Variants in CALCR observed in about 807,000 individuals in gnomAD.
CALCR encodes calcitonin receptor.
A neutral mutation model predicts 59.5 loss-of-function variants in CALCR; 47 were observed. That is an observed-to-expected ratio of 0.79 (90% CI 0.63 to 1.01). CALCR has a LOEUF of 1.01. CALCR is among the 50% of genes least tolerant of loss of function. The pLI, the probability that CALCR is intolerant of heterozygous loss-of-function variation, is 0.00. For synonymous variants in CALCR, 213 were observed against 211.3 expected, an observed-to-expected ratio of 1.01 and a Z score of -0.07; for missense variants, 566 against 597.1, an observed-to-expected ratio of 0.95 and a Z score of 0.54.
At chr7:93,567,477 A>C (rs912821518) in intron 2 of CALCR, among the ~76,000 whole-genome samples, 5 of 152,188 alleles carry the variant, frequency 3.3e-5, no homozygotes, top group South Asian at 4.1e-4. Context: ...CAAGTATAAA[A>C]TGTTATAATT....
At chr7:93,547,821 T>G (rs1789331132) in intron 2 of CALCR, among the ~76,000 whole-genome samples, 1 of 152,178 alleles carries the variant, frequency 6.6e-6, no homozygotes, top group Admixed American at 6.5e-5. Flanking sequence ...ATCATGGACT[T>G]TCAGCTGTGC....
chr7:93,493,520 T>G (rs540358059), intron 2 of CALCR, among the ~76,000 whole-genome samples: 99 of 151,480 alleles, frequency 6.5e-4, no homozygotes, highest in Admixed American at 1.4e-3. Context: ...ACCATCTTTC[T>G]CTTCAGTTCC....
At chr7:93,463,786 A>AT (rs1038771663) in intron 7 of CALCR, among the ~76,000 whole-genome samples, 1 of 151,940 alleles carries the variant, frequency 6.6e-6, no homozygotes, top group Non-Finnish European at 1.5e-5. Flanking sequence ...AGCCGACAAC[A>AT]TTTTTTTGTC....
rs552561936 is a variant in CALCR, at chr7:93,567,546, T to A, written c.-27+6743A>T. ...AATTTATCTATGCAAATTTTTTTTA[T>A]AAAAAGTTTTTTTTTTAATTATACT... On this transcript the variant is annotated intron_variant, in intron 2 of 13. Coordinates refer to ENST00000426151, the MANE Select transcript of CALCR (RefSeq NM_001742.4). 4.7e-3 allele frequency among the ~76,000 whole-genome samples: 710 copies of A among 151,484 alleles called. 2 individuals carry two copies. Among genetic ancestry groups the A allele is most frequent in the Non-Finnish European group, 8.1e-3 (547 of 67,916 alleles).
chr7:93,465,911 C>T (rs567246770), intron 7 of CALCR, among the ~76,000 whole-genome samples: 1 of 151,326 alleles, frequency 6.6e-6, no homozygotes, highest in Non-Finnish European at 1.5e-5. Flanking sequence ...TGATCAGTGA[C>T]TTTAAATTTC....
Position 93,528,408 on chromosome 7 carries a change from C to A in CALCR, c.-26-41401G>T, listed in dbSNP as rs991663902. Among the ~76,000 whole-genome samples, 6 of 152,290 alleles carry A rather than the reference C, an allele frequency of 3.9e-5. No individual in the cohort carries two copies. The East Asian group carries it at 7.7e-4, about 20-fold the overall frequency. ...TCGTCATTTACATTAGGTATATCCC[C>A]TAATGCTATCCCTCCCCTCTTCCCC... On this transcript the variant is annotated intron_variant, in intron 2 of 13. Coordinates refer to ENST00000426151, the MANE Select transcript of CALCR (RefSeq NM_001742.4).
chr7:93,463,309 T>A (rs1424684397), intron 7 of CALCR, among the ~76,000 whole-genome samples: 1 of 151,806 alleles, frequency 6.6e-6, no homozygotes, highest in Non-Finnish European at 1.5e-5. Flanking sequence ...TATATAAAAA[T>A]ATATATATTT....
chr7:93,477,124 GCTCACTTTA>G (rs2115876969), intron 5 of CALCR, among the ~76,000 whole-genome samples: 1 of 151,900 alleles, frequency 6.6e-6, no homozygotes, highest in African/African-American at 2.4e-5. Flanking sequence ...GTAGGCTCAG[GCTCACTTTA>G]CTCTTGGGAA....
In CALCR at chr7:93,529,365, G is replaced by A. The variant is rs1788771500; in HGVS notation, c.-26-42358C>T. On this transcript the variant is annotated intron_variant, in intron 2 of 13. Coordinates refer to ENST00000426151, the MANE Select transcript of CALCR (RefSeq NM_001742.4). ...CTTCTGCCATGCTTGGAAACTTCCT[G>A]AGGCTTCCCCAGAAGCAGGAGCCAC... Among the ~76,000 whole-genome samples, 2 of 152,152 alleles carry A rather than the reference G, an allele frequency of 1.3e-5. 1 individual carries two copies. The highest frequency in any genetic ancestry group is 4.1e-4 in the South Asian group (2 of 4,836).
At chr7:93,432,054 A>G (rs1799670092) in intron 13 of CALCR, among the ~76,000 whole-genome samples, 1 of 152,120 alleles carries the variant, frequency 6.6e-6, no homozygotes, top group African/African-American at 2.4e-5. Context: ...GATTTCTATT[A>G]CTTTAATTCT....
At chr7:93,549,924 A>G (rs1789400997) in intron 2 of CALCR, among the ~76,000 whole-genome samples, 2 of 152,198 alleles carry the variant, frequency 1.3e-5, no homozygotes, top group African/African-American at 2.4e-5. Flanking sequence ...TTCAGTTTCA[A>G]TCACTAAAAA....
chr7:93,574,139 ACCTAGCTGAC>A (rs1790064928), intron 2 of CALCR, 140 bp downstream of exon 2: 1 of 152,214 alleles, frequency 6.6e-6, no homozygotes, highest in Admixed American at 6.5e-5. Flanking sequence ...AGCATCTAAG[ACCTAGCTGAC>A]CCTACATGAG....
intron 13 of CALCR, among the ~76,000 whole-genome samples, chr7:93,430,429 G>A (rs905926993): frequency 6.6e-6 from 1 of 152,084 alleles, no homozygotes; most frequent in Non-Finnish European, 1.5e-5. Context: ...AATTTGAGTT[G>A]AGTACTTGAT....
chr7:93,450,698 T>C (rs1314895002), intron 8 of CALCR, among the ~76,000 whole-genome samples: 1 of 152,006 alleles, frequency 6.6e-6, no homozygotes, highest in African/African-American at 2.4e-5. Flanking sequence ...TTGGTCTCTC[T>C]CCAGGGTCTT....
At chr7:93,522,684 G>GC in intron 2 of CALCR, among the ~76,000 whole-genome samples, 1 of 152,268 alleles carries the variant, frequency 6.6e-6, no homozygotes, top group South Asian at 2.1e-4. Context: ...AGATCACAAA[G>GC]CCAGTTCAAG....
Position 93,436,075 on chromosome 7 carries a change from C to T in CALCR, c.1026G>A (p.Val342=). The T allele has an allele frequency of 6.2e-7, 1 of 1,614,114 alleles. No individual in the cohort carries two copies. Among genetic ancestry groups the T allele is most frequent in the Non-Finnish European group, 8.5e-7 (1 of 1,179,970 alleles). Residue 342 remains valine, a synonymous_variant, in exon 12 of 14, where the codon GTG becomes GTA. Transcript: ENST00000426151. Reference sequence around the variant, plus strand: ...GGGGCACAAGGATCATGGTGGCCTTCACAGCCTTCAGGTACATGTGGGATT... The same window carrying T: ...GGGGCACAAGGATCATGGTGGCCTTTACAGCCTTCAGGTACATGTGGGATT... ...EAESHMYLKA[V]KATMILVPLL...
chr7:93,561,066 A>C (rs1385918800), intron 2 of CALCR, among the ~76,000 whole-genome samples: 2 of 152,190 alleles, frequency 1.3e-5, no homozygotes, highest in Admixed American at 1.3e-4. Context: ...TCCTAAAAGG[A>C]AACTGAGGCT....
chr7:93,541,946 T>C (rs1486319164), intron 2 of CALCR, among the ~76,000 whole-genome samples: 1 of 152,198 alleles, frequency 6.6e-6, no homozygotes, highest in Non-Finnish European at 1.5e-5. Context: ...GCTGGTTTTT[T>C]TTGGATATAA....
rs1020294160 is a variant in CALCR, at chr7:93,467,047, T to A, written c.521+1668A>T. Among the ~76,000 whole-genome samples, 4 of 55,600 alleles carry A rather than the reference T, an allele frequency of 7.2e-5. No homozygotes were observed. The East Asian group carries it at 2.2e-3, about 30-fold the overall frequency. 36.5% of individuals were successfully genotyped at this position (55,600 alleles called of 152,430 possible). ...CAAATTTGGGGAATTTTTCTTTCAA[T>A]TTTTTTATGATTATATTTAAAAAAC... is the stretch of plus-strand genomic sequence containing the variant. On this transcript the variant is annotated intron_variant, in intron 7 of 13. Transcript: ENST00000426151.
Sources: gnomAD v4.1 joint callset for allele counts (sites outside exome capture counted in the v4.1 genomes callset) on GRCh38, gnomAD v4.1.1 for gene constraint, MANE v1.5 for transcripts, NCBI Gene and HGNC (gene_info 2026-07-23, HGNC 2026-07-21) for gene names.